KIF26B: variants seen among roughly 807,000 people sequenced by gnomAD.
The protein encoded by KIF26B is kinesin-like protein KIF26B.
KIF26B carries 63 observed loss-of-function variants against 151.2 expected under a neutral mutation model. The observed-to-expected ratio is 0.42, with a 90% CI of 0.34 to 0.51. KIF26B has a LOEUF of 0.51. KIF26B is among the 20% of genes least tolerant of loss of function. KIF26B has a pLI of 0.07. For missense variants in KIF26B, 2,813 were observed against 2,913.6 expected, an observed-to-expected ratio of 0.97 and a Z score of 0.79; for synonymous variants, 1,357 against 1,262.1, an observed-to-expected ratio of 1.08 and a Z score of -1.59.
chr1:245,511,833 G>A (rs1660844319), intron 4 of KIF26B, among the ~76,000 whole-genome samples: 1 of 152,124 alleles, frequency 6.6e-6, no homozygotes, highest in African/African-American at 2.4e-5. Context: ...TAAGTATTCA[G>A]GGAGGAAAAA....
At chr1:245,219,260 T>C (rs144161194) in intron 2 of KIF26B, among the ~76,000 whole-genome samples, 31,695 of 147,342 alleles carry the variant, frequency 0.22, 3,585 homozygotes, top group East Asian at 0.52. Context: ...CGCCTCAGCC[T>C]CCCGAGTAGC....
chr1:245,282,278 C>T (rs1367659344), intron 2 of KIF26B, among the ~76,000 whole-genome samples: 1 of 152,154 alleles, frequency 6.6e-6, no homozygotes, highest in African/African-American at 2.4e-5. Context: ...AAAGAGCCCG[C>T]ATTGCCAAGT....
At chr1:245,532,126 A>G (rs1430712218) in intron 4 of KIF26B, among the ~76,000 whole-genome samples, 5 of 152,172 alleles carry the variant, frequency 3.3e-5, no homozygotes, top group East Asian at 1.9e-4. Context: ...GACAACTGCT[A>G]TAAGACTTCA....
chr1:245,196,197 A>G (rs1669191446), intron 2 of KIF26B, among the ~76,000 whole-genome samples: 1 of 152,198 alleles, frequency 6.6e-6, no homozygotes, highest in Non-Finnish European at 1.5e-5. Flanking sequence ...TAAATGAGAT[A>G]TAAGATGTAT....
intron 2 of KIF26B, among the ~76,000 whole-genome samples, chr1:245,343,941 T>C (rs962077869): frequency 1.3e-5 from 2 of 152,196 alleles, no homozygotes; most frequent in Admixed American, 1.3e-4. Flanking sequence ...CCTCTGTAGC[T>C]GCAATTCGGG....
At chr1:245,652,622 C>T (rs915058650) in intron 10 of KIF26B, among the ~76,000 whole-genome samples, 13 of 152,164 alleles carry the variant, frequency 8.5e-5, no homozygotes, top group African/African-American at 3.1e-4. Flanking sequence ...TAGAACCACG[C>T]CAGTCACTCA....
Position 245,491,805 on chromosome 1 carries a change from G to T in KIF26B, c.1167-48962G>T, listed in dbSNP as rs182029013. On this transcript the variant is annotated intron_variant, in intron 4 of 14. Transcript: ENST00000407071. Reference sequence around the variant, plus strand: ...TGCCTGTAATCCCAGCTACTCAGGGGGCTGAGGTGGGAGAACCACTTGAAC... The same window carrying T: ...TGCCTGTAATCCCAGCTACTCAGGGTGCTGAGGTGGGAGAACCACTTGAAC... Among the ~76,000 whole-genome samples the T allele has an allele frequency of 7.2e-5, 11 of 152,242 alleles. No homozygotes were observed. The East Asian group carries it at 2.1e-3, about 29-fold the overall frequency.
At chr1:245,234,192 A>G (rs1385763576) in intron 2 of KIF26B, among the ~76,000 whole-genome samples, 1 of 152,130 alleles carries the variant, frequency 6.6e-6, no homozygotes, top group Admixed American at 6.5e-5. Context: ...TTAAAAAAAA[A>G]AAGAAAGAAA....
intron 5 of KIF26B, among the ~76,000 whole-genome samples, chr1:245,594,517 A>C (rs1445731961): frequency 6.6e-6 from 1 of 151,936 alleles, no homozygotes; most frequent in East Asian, 1.9e-4. Flanking sequence ...GTTCTGTTAC[A>C]TTTGTCTATA....
At chr1:245,200,300 T>C (rs1413324773) in intron 2 of KIF26B, among the ~76,000 whole-genome samples, 8 of 152,232 alleles carry the variant, frequency 5.3e-5, no homozygotes, top group Non-Finnish European at 4.4e-5. Context: ...TTTATTTCCC[T>C]TCTGGTCTCT....
At chr1:245,700,450 G>A (rs1344824603) in intron 14 of KIF26B, among the ~76,000 whole-genome samples, 1 of 152,110 alleles carries the variant, frequency 6.6e-6, no homozygotes, top group African/African-American at 2.4e-5. Context: ...CCAGCACCTT[G>A]GGAGGCCAAG....
intron 10 of KIF26B, among the ~76,000 whole-genome samples, chr1:245,656,132 G>A (rs564601922): frequency 1.3e-5 from 2 of 152,210 alleles, no homozygotes; most frequent in East Asian, 3.9e-4. Flanking sequence ...CAGATGATCT[G>A]CATTCTTGGG....
intron 4 of KIF26B, among the ~76,000 whole-genome samples, chr1:245,439,050 A>T (rs1041859422): frequency 3.9e-5 from 6 of 152,210 alleles, no homozygotes; most frequent in African/African-American, 1.4e-4. Context: ...ACATTTCACT[A>T]AAGCCAATAA....
chr1:245,494,803 G>A (rs1303212637), intron 4 of KIF26B, among the ~76,000 whole-genome samples: 1 of 152,088 alleles, frequency 6.6e-6, no homozygotes, highest in Non-Finnish European at 1.5e-5. Context: ...ATTTTGGGAG[G>A]CTGAGTTGGG....
At chr1:245,467,745 A>G (rs1190016527) in intron 4 of KIF26B, among the ~76,000 whole-genome samples, 2 of 152,152 alleles carry the variant, frequency 1.3e-5, no homozygotes, top group African/African-American at 4.8e-5. Context: ...AAATACAAAA[A>G]TTAGTTGGCC....
At chr1:245,654,290 A>G (rs2044050782) in intron 10 of KIF26B, among the ~76,000 whole-genome samples, 1 of 152,106 alleles carries the variant, frequency 6.6e-6, no homozygotes, top group Admixed American at 6.5e-5. Context: ...AAAAATACCA[A>G]GTAAGAATGT....
chr1:245,382,556 T>G (rs116360653), intron 3 of KIF26B, among the ~76,000 whole-genome samples: 16,853 of 150,346 alleles, frequency 0.11, 1,060 homozygotes, highest in East Asian at 0.31. Flanking sequence ...TGTGTGTGTT[T>G]TGTTTCTTGT....
At chr1:245,482,929 G>A (rs1364335792) in intron 4 of KIF26B, among the ~76,000 whole-genome samples, 2 of 151,730 alleles carry the variant, frequency 1.3e-5, no homozygotes, top group African/African-American at 2.4e-5. Context: ...CACAGTTTCC[G>A]GCAATACCAC....
intron 3 of KIF26B, among the ~76,000 whole-genome samples, chr1:245,400,175 T>C (rs1020566177): frequency 2.0e-5 from 3 of 152,178 alleles, no homozygotes; most frequent in Non-Finnish European, 4.4e-5. Flanking sequence ...ATATAGAAGA[T>C]ATTTCACTGT....
Sources: gnomAD v4.1 joint callset for allele counts (sites outside exome capture counted in the v4.1 genomes callset) on GRCh38, gnomAD v4.1.1 for gene constraint, MANE v1.5 for transcripts, NCBI Gene and HGNC (gene_info 2026-07-23, HGNC 2026-07-21) for gene names.